Variants in BTBD9 observed in about 807,000 individuals in gnomAD.
The protein encoded by BTBD9 is BTB domain containing 9.
Under a neutral mutation model 64.3 loss-of-function variants are expected in BTBD9, and 49 were observed. That is an observed-to-expected ratio of 0.76 (90% CI 0.61 to 0.97). The LOEUF (loss-of-function observed/expected upper bound fraction) is 0.97. Ranked by LOEUF, BTBD9 falls within the 50% of genes least tolerant of loss-of-function variation. BTBD9 has a pLI of 0.00. For synonymous variants in BTBD9, 260 were observed against 274.7 expected (o/e 0.95, Z 0.53); for missense variants, 598 against 762.1 (o/e 0.78, Z 2.53).
chr6:38,451,687 T>C (rs1333761742), intron 6 of BTBD9, among the ~76,000 whole-genome samples: 1 of 152,176 alleles, frequency 6.6e-6, no homozygotes, highest in Admixed American at 6.5e-5. Context: ...TGGTATTTGT[T>C]GCCAAGTCTT....
intron 6 of BTBD9, among the ~76,000 whole-genome samples, chr6:38,527,345 G>A (rs1773557145): frequency 7.0e-6 from 1 of 143,150 alleles, no homozygotes; most frequent in Non-Finnish European, 1.5e-5. Flanking sequence ...TTGGTTCTGT[G>A]TCCTCACCCA....
At chr6:38,342,353 T>G (rs1027305112) in intron 7 of BTBD9, among the ~76,000 whole-genome samples, 2 of 151,812 alleles carry the variant, frequency 1.3e-5, no homozygotes, top group Admixed American at 1.3e-4. Context: ...CTGACCAACA[T>G]GGCGAAACCC....
intron 6 of BTBD9, among the ~76,000 whole-genome samples, chr6:38,371,324 C>G (rs910245657): frequency 7.2e-5 from 11 of 152,284 alleles, no homozygotes; most frequent in Admixed American, 1.3e-4. Flanking sequence ...GAAATTTAAA[C>G]TCTGAAAGTG....
intron 6 of BTBD9, among the ~76,000 whole-genome samples, chr6:38,515,788 T>C (rs6923737): frequency 0.29 from 44,321 of 152,050 alleles, 7,526 homozygotes; most frequent in East Asian, 0.54. Context: ...TCTCTCTTCT[T>C]AGCCTTTACA....
chr6:38,302,896 G>A (rs1762468122), intron 7 of BTBD9, among the ~76,000 whole-genome samples: 2 of 152,142 alleles, frequency 1.3e-5, no homozygotes, highest in South Asian at 4.2e-4. Flanking sequence ...CCTGATTAGT[G>A]ATGCTGAGTA....
chr6:38,537,249 A>G (rs1774062041), intron 6 of BTBD9, among the ~76,000 whole-genome samples: 1 of 152,238 alleles, frequency 6.6e-6, no homozygotes, highest in South Asian at 2.1e-4. Context: ...AAACAGAGTT[A>G]AACGATCCAA....
intron 9 of BTBD9, among the ~76,000 whole-genome samples, chr6:38,239,313 G>A (rs548069307): frequency 5.9e-4 from 89 of 151,940 alleles, no homozygotes; most frequent in Non-Finnish European, 1.1e-3. Flanking sequence ...GGTGGCGCAC[G>A]TCTGCAGTCC....
At chr6:38,401,987 G>C (rs1236638489) in intron 6 of BTBD9, among the ~76,000 whole-genome samples, 1 of 151,956 alleles carries the variant, frequency 6.6e-6, no homozygotes, top group East Asian at 1.9e-4. Flanking sequence ...ATTATAACCA[G>C]AAGATGTTCT....
chr6:38,486,799 A>C (rs1190511414), intron 6 of BTBD9, among the ~76,000 whole-genome samples: 3 of 152,232 alleles, frequency 2.0e-5, no homozygotes, highest in East Asian at 3.8e-4. Flanking sequence ...ATAGGGCCAA[A>C]ACACTTGTTG....
chr6:38,525,518 G>C (rs1053429339), intron 6 of BTBD9, among the ~76,000 whole-genome samples: 1 of 152,230 alleles, frequency 6.6e-6, no homozygotes, highest in Non-Finnish European at 1.5e-5. Flanking sequence ...AACAGGCAGA[G>C]ACTGGAACAA....
chr6:38,493,468 T>C (rs1771794040), intron 6 of BTBD9, among the ~76,000 whole-genome samples: 5 of 152,248 alleles, frequency 3.3e-5, no homozygotes, highest in Admixed American at 2.6e-4. Flanking sequence ...CTCACTCATC[T>C]CCTATTTGCC....
chr6:38,587,737 GA>G, intron 4 of BTBD9: 3 of 675,766 alleles, frequency 4.4e-6, no homozygotes, highest in Non-Finnish European at 5.6e-6. Context: ...TAATATTCCT[GA>G]AAATGTTACT....
At chr6:38,281,870 T>A (rs748105373) in intron 8 of BTBD9, among the ~76,000 whole-genome samples, 4 of 152,204 alleles carry the variant, frequency 2.6e-5, no homozygotes, top group Non-Finnish European at 5.9e-5. Context: ...ACATATCAAT[T>A]GCAAAAACAT....
rs1349389183 is a variant in BTBD9 at position 38,557,980 on chromosome 6, G to A, written c.1154+19620C>T. On this transcript the variant is annotated intron_variant, in intron 6 of 10. Transcript: ENST00000481247. ...GGCCTGCCTCCAAGAGTTGTTTAAC[G>A]AACTCTTGGTGGTTCATGCCTGTAA... Among the ~76,000 whole-genome samples the A allele has an allele frequency of 2.6e-5, 4 of 152,216 alleles. No individual in the cohort carries two copies. In the South Asian group the frequency reaches 6.2e-4, roughly 24 times the overall value.
At chr6:38,214,225 T>C (rs1232727676) in intron 9 of BTBD9, among the ~76,000 whole-genome samples, 2 of 152,150 alleles carry the variant, frequency 1.3e-5, no homozygotes, top group African/African-American at 4.8e-5. Flanking sequence ...CTCCCTCAGA[T>C]TCCTGCCATA....
At chr6:38,320,242 C>A (rs886539097) in intron 7 of BTBD9, among the ~76,000 whole-genome samples, 2 of 152,200 alleles carry the variant, frequency 1.3e-5, no homozygotes, top group African/African-American at 4.8e-5. Flanking sequence ...TGACCACTCA[C>A]CTGATTTTTC....
intron 6 of BTBD9, among the ~76,000 whole-genome samples, chr6:38,411,645 TA>T (rs1042708437): frequency 7.1e-4 from 107 of 151,726 alleles, no homozygotes; most frequent in Non-Finnish European, 1.1e-3. Flanking sequence ...ATATTAAGCA[TA>T]AAAAAAATGC....
chr6:38,410,451 T>C (rs1204095117), intron 6 of BTBD9, among the ~76,000 whole-genome samples: 1 of 151,886 alleles, frequency 6.6e-6, no homozygotes, highest in Non-Finnish European at 1.5e-5. Context: ...CAAGCTTGGG[T>C]AACCAAGTGA....
intron 6 of BTBD9, among the ~76,000 whole-genome samples, chr6:38,568,207 A>G (rs911047498): frequency 9.2e-5 from 14 of 152,244 alleles, no homozygotes; most frequent in African/African-American, 2.9e-4. Flanking sequence ...TTAACTACTC[A>G]ACAATATCAT....
Sources: allele counts gnomAD v4.1 joint callset (sites outside exome capture counted in the v4.1 genomes callset), GRCh38; gene constraint gnomAD v4.1.1; transcripts MANE v1.5; gene names NCBI Gene and HGNC (gene_info 2026-07-23, HGNC 2026-07-21).